Variants in AMBRA1 observed in about 807,000 individuals in gnomAD.
AMBRA1 encodes autophagy and beclin 1 regulator 1.
A neutral mutation model predicts 125.4 loss-of-function variants in AMBRA1; 47 were observed. That is an observed-to-expected ratio of 0.37 (90% CI 0.30 to 0.48). AMBRA1 has a LOEUF of 0.48. Ranked by LOEUF, AMBRA1 falls within the 20% of genes least tolerant of loss-of-function variation. AMBRA1 has a pLI of 0.99. For missense variants in AMBRA1, 1,331 were observed against 1,693.4 expected (o/e 0.79, Z 3.76); for synonymous variants, 626 against 655.5 (o/e 0.95, Z 0.69).
chr11:46,485,669 A>C (rs181029416), intron 11 of AMBRA1, among the ~76,000 whole-genome samples: 1 of 152,370 alleles, frequency 6.6e-6, no homozygotes, highest in Non-Finnish European at 1.5e-5. Context: ...GTGACAATAC[A>C]GAAAGGGCAC....
chr11:46,562,239 G>C (rs1192872977), intron 1 of AMBRA1, among the ~76,000 whole-genome samples: 2 of 152,162 alleles, frequency 1.3e-5, no homozygotes, highest in Non-Finnish European at 2.9e-5. Context: ...ATTTCAAGGA[G>C]GATGAGGAGT....
At chr11:46,424,463 T>G (rs1947015232) in intron 14 of AMBRA1, among the ~76,000 whole-genome samples, 1 of 152,200 alleles carries the variant, frequency 6.6e-6, no homozygotes, top group African/African-American at 2.4e-5. Flanking sequence ...CCCCTGGCCA[T>G]TAGGATCAAA....
intron 4 of AMBRA1, 168 bp downstream of exon 4, chr11:46,546,945 C>T (rs1953049313): frequency 3.4e-6 from 2 of 584,934 alleles, no homozygotes; most frequent in Non-Finnish European, 5.8e-6. Flanking sequence ...ATGGCACATG[C>T]CTGTAATCCC....
intron 4 of AMBRA1, 158 bp downstream of exon 4, chr11:46,546,955 C>A (rs1276594288): frequency 3.1e-6 from 2 of 637,744 alleles, no homozygotes; most frequent in African/African-American, 3.7e-5. Context: ...CCTGTAATCC[C>A]AGCTACTTGG....
At chr11:46,458,535 C>T (rs145634814) in intron 11 of AMBRA1, among the ~76,000 whole-genome samples, 1 of 152,320 alleles carries the variant, frequency 6.6e-6, no homozygotes, top group African/African-American at 2.4e-5. Flanking sequence ...ATTTTTCCTT[C>T]TTCTTGAGAT....
intron 7 of AMBRA1, among the ~76,000 whole-genome samples, chr11:46,539,109 G>A (rs1478991653): frequency 2.0e-5 from 3 of 151,500 alleles, no homozygotes; most frequent in Non-Finnish European, 4.4e-5. Flanking sequence ...GGGAGCAGAC[G>A]GAATATAGAT....
At chr11:46,580,481 C>T (rs1360128163) in intron 1 of AMBRA1, among the ~76,000 whole-genome samples, 1 of 152,172 alleles carries the variant, frequency 6.6e-6, no homozygotes, top group Non-Finnish European at 1.5e-5. Flanking sequence ...CAACTCTAAT[C>T]CAAATCTGCT....
intron 1 of AMBRA1, among the ~76,000 whole-genome samples, chr11:46,561,252 G>A (rs376735100): frequency 2.6e-5 from 4 of 151,938 alleles, no homozygotes; most frequent in Admixed American, 6.6e-5. Context: ...GTGGTGTCAC[G>A]CGCCTGTAAT....
intron 1 of AMBRA1, among the ~76,000 whole-genome samples, chr11:46,580,114 A>G (rs1258684999): frequency 3.9e-5 from 6 of 152,138 alleles, no homozygotes; most frequent in African/African-American, 1.4e-4. Flanking sequence ...TTCCTCCAAT[A>G]TTGTTCTTGC....
intron 11 of AMBRA1, among the ~76,000 whole-genome samples, chr11:46,449,758 C>T (rs1338700096): frequency 6.6e-6 from 1 of 152,080 alleles, no homozygotes; most frequent in Non-Finnish European, 1.5e-5. Context: ...TTGACACAAC[C>T]CAACTTCAAG....
In AMBRA1 at chr11:46,468,960, A is replaced by G. The variant is rs151284783; in HGVS notation, c.2521+24648T>C. Among the ~76,000 whole-genome samples the G allele has an allele frequency of 4.2e-3, 640 of 152,178 alleles. 3 individuals are homozygous for G. Among genetic ancestry groups the G allele is most frequent in the African/African-American group, 0.013 (538 of 41,518 alleles). Reference sequence around the variant, plus strand: ...GGAATTCGAGACCAGCCTGACCAACATGGCAAAACCCCGTCTCTACTAAAC... The same window carrying G: ...GGAATTCGAGACCAGCCTGACCAACGTGGCAAAACCCCGTCTCTACTAAAC... On this transcript the variant is annotated intron_variant, in intron 11 of 17. Transcript: ENST00000683756.
intron 14 of AMBRA1, among the ~76,000 whole-genome samples, chr11:46,424,823 T>G (rs1321179227): frequency 6.6e-6 from 1 of 151,814 alleles, no homozygotes; most frequent in African/African-American, 2.4e-5. Context: ...GTGGGTGAGA[T>G]CCTGTGTCTT....
At chr11:46,442,938 T>C (rs1182318765) in intron 12 of AMBRA1, among the ~76,000 whole-genome samples, 1 of 152,194 alleles carries the variant, frequency 6.6e-6, no homozygotes, top group Non-Finnish European at 1.5e-5. Context: ...GCCAGGCTGG[T>C]CTTGAACTCC....
At chr11:46,576,987 C>G (rs1468880084) in intron 1 of AMBRA1, among the ~76,000 whole-genome samples, 2 of 152,152 alleles carry the variant, frequency 1.3e-5, no homozygotes, top group Non-Finnish European at 2.9e-5. Context: ...GATTCTGAGT[C>G]CCAATCTAAG....
chr11:46,493,354 A>C (rs954119402), intron 11 of AMBRA1, among the ~76,000 whole-genome samples: 1 of 152,190 alleles, frequency 6.6e-6, no homozygotes, highest in African/African-American at 2.4e-5. Flanking sequence ...TTAAGAAACA[A>C]ATGGTTTAAA....
At chr11:46,568,704 A>G (rs1291270821) in intron 1 of AMBRA1, among the ~76,000 whole-genome samples, 3 of 149,556 alleles carry the variant, frequency 2.0e-5, no homozygotes, top group African/African-American at 7.4e-5. Flanking sequence ...CCTGGGAGGC[A>G]GAGATTGCAG....
At chr11:46,463,394 T>G (rs896686435) in intron 11 of AMBRA1, among the ~76,000 whole-genome samples, 1 of 152,246 alleles carries the variant, frequency 6.6e-6, no homozygotes, top group East Asian at 1.9e-4. Flanking sequence ...AATATATAGA[T>G]GCTCTGCTGT....
At chr11:46,487,335 ATTG>A (rs3976777) in intron 11 of AMBRA1, among the ~76,000 whole-genome samples, 1,829 of 152,286 alleles carry the variant, frequency 0.012, 44 homozygotes, top group African/African-American at 0.042. Context: ...TAACAAGTAA[ATTG>A]TTGTTAACCA....
chr11:46,563,820 T>G (rs1377345488), intron 1 of AMBRA1, among the ~76,000 whole-genome samples: 2 of 132,214 alleles, frequency 1.5e-5, no homozygotes, highest in Admixed American at 8.6e-5. Context: ...CAGGCTAGTC[T>G]GGCAACAAAG....
Sources: allele counts gnomAD v4.1 joint callset (sites outside exome capture counted in the v4.1 genomes callset), GRCh38; gene constraint gnomAD v4.1.1; transcripts MANE v1.5; gene names NCBI Gene and HGNC (gene_info 2026-07-23, HGNC 2026-07-21).